The following TRIOBP variants were observed in gnomAD, a reference collection of about 807,000 sequenced individuals.
The protein encoded by TRIOBP is TRIO and F-actin-binding protein.
In TRIOBP, 169 loss-of-function variants were observed where a neutral mutation model predicts 238.8. The ratio of observed to expected loss-of-function variants is 0.71; its 90% CI spans 0.62 to 0.80. TRIOBP has a LOEUF of 0.80. Ranked by LOEUF, TRIOBP falls within the 30% of genes least tolerant of loss-of-function variation. The pLI is 0.00. For missense variants in TRIOBP, 2,838 were observed against 3,122.6 expected, an observed-to-expected ratio of 0.91 and a Z score of 2.17; for synonymous variants, 1,150 against 1,274.4, an observed-to-expected ratio of 0.90 and a Z score of 2.08.
At chr22:37,719,746 G>A (rs1250462007) in intron 6 of TRIOBP, among the ~76,000 whole-genome samples, 1 of 151,988 alleles carries the variant, frequency 6.6e-6, no homozygotes, top group African/African-American at 2.4e-5. Flanking sequence ...CTCCTTTGCT[G>A]AGGCCGCCTC....
In TRIOBP at chr22:37,772,770, T is replaced by C. The variant is rs1338609321; in HGVS notation, c.*2+6T>C. On this transcript the variant is annotated splice_donor_region_variant and intron_variant, in intron 23 of 23. Transcript: ENST00000644935. ...AACAGCCTGGCTGAGTAGAGGTGGA[T>C]GCCGAGGCGTGTGCCCTGCAGGGTG... 2 of 1,612,114 alleles carry C rather than the reference T, an allele frequency of 1.2e-6. No homozygotes were observed. Among genetic ancestry groups the C allele is most frequent in the Admixed American group, 1.7e-5 (1 of 60,022 alleles).
In TRIOBP at chr22:37,774,123, T is replaced by TAAA. The variant is rs35269997; in HGVS notation, c.*358_*360dup. ...TTTTTTTCCAAAACACTTTATACTT[T>TAAA]AAAAAAAAAAAAAAAAAGCAATTCC... is the stretch of plus-strand genomic sequence containing the variant. On this transcript the variant is annotated 3_prime_UTR_variant, in exon 24 of 24. Coordinates refer to ENST00000644935, the MANE Select transcript of TRIOBP (RefSeq NM_001039141.3). 5.6e-3 allele frequency: 777 copies of TAAA among 139,568 alleles called. 10 individuals carry two copies. The highest frequency in any genetic ancestry group is 0.02 in the African/African-American group (742 of 37,630). The allele number at this position is 139,568 out of a possible 1,614,324, so 8.6% of individuals were successfully genotyped here. A position where few individuals can be genotyped will look rare whatever the true frequency, so the allele number is the denominator to read the frequency against.
In TRIOBP at chr22:37,704,357, TG is replaced by T. The variant is rs1474194969; in HGVS notation, c.114+2881del. Among the ~76,000 whole-genome samples the T allele has an allele frequency of 2.7e-5, 4 of 150,576 alleles. No individual in the cohort carries two copies. The Admixed American group carries it at 2.7e-4, about 10-fold the overall frequency. ...GTGATCGCATTACTGTATTTCAGCCTGGGTGACAGAGTTGGACCCTGACTCA... is the reference window on the plus strand; with the variant it reads ...GTGATCGCATTACTGTATTTCAGCCTGGTGACAGAGTTGGACCCTGACTCA... On this transcript the variant is annotated intron_variant, in intron 3 of 23. Transcript: ENST00000644935.
At position 37,733,380 on chromosome 22, in the gene TRIOBP, C is replaced by T. The variant is rs1310590474; in HGVS notation, c.4030C>T (p.Arg1344Ter). 5.2e-6 allele frequency: 8 copies of T among 1,551,226 alleles called. No homozygotes were observed. Among genetic ancestry groups the T allele is most frequent in the Admixed American group, 2.0e-5 (1 of 51,096 alleles). ...QPSQGQSQLL[R>*]RQSSPAPSRQ... ...CAGCCAAGGCCAGAGCCAACTTCTC[C>T]GAAGACAGTCCAGCCCTGCCCCCAG... Residue 1344 changes from arginine to a stop codon, truncating the protein, a stop_gained, in exon 8 of 24, where the codon CGA (arginine) becomes TGA (stop). Transcript: ENST00000644935. LOFTEE classifies it high-confidence loss of function.
intron 12 of TRIOBP, among the ~76,000 whole-genome samples, chr22:37,753,251 G>A (rs1925717803): frequency 6.6e-6 from 1 of 151,990 alleles, no homozygotes; most frequent in Admixed American, 6.6e-5. Context: ...GAAGGTCTAG[G>A]CACTTCTTTT....
At chr22:37,701,935 C>T (rs893299435) in intron 3 of TRIOBP, among the ~76,000 whole-genome samples, 12 of 152,060 alleles carry the variant, frequency 7.9e-5, no homozygotes, top group Admixed American at 3.9e-4. Context: ...TGAAACCAGC[C>T]TGGCCAACAT....
intron 18 of TRIOBP, among the ~76,000 whole-genome samples, chr22:37,766,958 C>CAA (rs1216149396): frequency 9.8e-6 from 1 of 101,662 alleles, no homozygotes. Context: ...AAGACTCCAT[C>CAA]AAAAAAAAAA....
At chr22:37,731,609 A>T (rs904697039) in intron 7 of TRIOBP, among the ~76,000 whole-genome samples, 2 of 152,040 alleles carry the variant, frequency 1.3e-5, no homozygotes, top group Non-Finnish European at 2.9e-5. Context: ...GGCACGTGCC[A>T]CCACGCCTGG....
chr22:37,762,364 C>T (rs1035275741), intron 17 of TRIOBP, among the ~76,000 whole-genome samples: 2 of 152,200 alleles, frequency 1.3e-5, no homozygotes, highest in Non-Finnish European at 2.9e-5. Flanking sequence ...TGCACTGGCC[C>T]ACCTTTGTCC....
intron 7 of TRIOBP, 127 bp from the exon 8 acceptor site, chr22:37,733,171 G>A (rs532181422): frequency 2.7e-6 from 2 of 737,844 alleles, no homozygotes; most frequent in African/African-American, 1.7e-5. Context: ...CTCACTTAGG[G>A]CCCTTCAACG....
In TRIOBP at chr22:37,734,749, A is replaced by G. The variant is rs1924583175; in HGVS notation, c.4413A>G (p.Lys1471=). 6 of 1,611,294 alleles carry G rather than the reference A, an allele frequency of 3.7e-6. No individual in the cohort carries two copies. In the East Asian group the frequency reaches 1.3e-4, roughly 36 times the overall value. Residue 1471 remains lysine (K), a synonymous_variant, in exon 9 of 24, where the codon AAA becomes AAG. Coordinates refer to ENST00000644935, the MANE Select transcript of TRIOBP (RefSeq NM_001039141.3). ...GAGAGCCCAGCCTGGGGGCAGCCAAAGCCCCGGAGGGAGCATGGGGGGGCA... is the reference window on the plus strand; with the variant it reads ...GAGAGCCCAGCCTGGGGGCAGCCAAGGCCCCGGAGGGAGCATGGGGGGGCA... ...GCGEPSLGAA[K]APEGAWGGTS...
chr22:37,711,666 A>G (rs541628892), intron 4 of TRIOBP, among the ~76,000 whole-genome samples: 2 of 151,856 alleles, frequency 1.3e-5, no homozygotes, highest in Admixed American at 1.3e-4. Context: ...GTTATCAAGT[A>G]TGTTTCAGAA....
Position 37,740,932 on chromosome 22 carries a change from C to T in TRIOBP, c.5222C>T (p.Pro1741Leu), listed in dbSNP as rs201657102. ...CCAGCAGAGGGCAAGGCTGGGAGCCCGCTCAAGGGCCGACTGGTGACCTCA... is the reference window on the plus strand; with the variant it reads ...CCAGCAGAGGGCAAGGCTGGGAGCCTGCTCAAGGGCCGACTGGTGACCTCA... ...KRPAEGKAGS[P>L]LKGRLVTSWR... Residue 1741 changes from proline to leucine, a missense_variant, in exon 11 of 24, where the codon CCG (proline) becomes CTG (leucine). By Grantham distance (98) the Pro-to-Leu change is moderately conservative. Around this residue, in one of 5 missense-constraint regions of TRIOBP, gnomAD observed 2,096 missense variants for 2,137.4 expected, o/e 0.98. Coordinates refer to ENST00000644935, the MANE Select transcript of TRIOBP (RefSeq NM_001039141.3). 128 of 1,571,392 alleles carry T rather than the reference C, an allele frequency of 8.1e-5. No individual in the cohort carries two copies. The highest frequency in any genetic ancestry group is 1.0e-4 in the Non-Finnish European group (120 of 1,158,244).
rs537278055 is a variant in TRIOBP at position 37,735,051 on chromosome 22, G to A, written c.4715G>A (p.Gly1572Glu). The A allele has an allele frequency of 3.1e-6, 5 of 1,608,128 alleles. No individual in the cohort carries two copies. The Admixed American group carries it at 8.4e-5, about 27-fold the overall frequency. ...GGCCTTCTCCGGGCACCAGGAGAGG[G>A]GGTCTGGGCCCGTGTCCCCAGCCTG... Reference protein sequence around the residue: ...LLGLLRAPGEGVWARVPSLDW... With the variant: ...LLGLLRAPGEEVWARVPSLDW... Residue 1572 changes from glycine (G) to glutamate (E), a missense_variant, in exon 9 of 24, where the codon GGG becomes GAG. Physicochemically the swap from Gly to Glu is moderately conservative, Grantham distance 98. Transcript: ENST00000644935.
intron 22 of TRIOBP, 59 bp from the exon 23 acceptor site, chr22:37,772,542 C>T (rs901384600): frequency 3.3e-5 from 53 of 1,611,914 alleles, no homozygotes; most frequent in South Asian, 2.5e-4. Flanking sequence ...CCCATGTGCC[C>T]GGTTGGCAGG....
At position 37,757,982 on chromosome 22, in the gene TRIOBP, A is replaced by G; in HGVS notation, c.6057A>G (p.Gln2019=). 6.3e-7 allele frequency: 1 copy of G among 1,588,220 alleles called. No individual in the cohort carries two copies. The highest frequency in any genetic ancestry group is 8.6e-7 in the Non-Finnish European group (1 of 1,168,072). Residue 2019 remains glutamine (Q), a synonymous_variant, in exon 16 of 24, where the codon CAA becomes CAG. Transcript: ENST00000644935. ...GLGAPLTEDQ[Q]NRLSEEIEKK... is the part of the protein sequence containing the mutation. ...GTGCCCCCCTGACTGAGGACCAGCA[A>G]AACCGGCTTAGTGAGGAGATCGAGA...
intron 5 of TRIOBP, among the ~76,000 whole-genome samples, chr22:37,715,499 C>T (rs1213102738): frequency 5.3e-5 from 8 of 151,948 alleles, no homozygotes; most frequent in African/African-American, 7.2e-5. Context: ...CCCGCCACCA[C>T]GCCCAGCTAA....
chr22:37,711,143 C>T (rs558573418), intron 4 of TRIOBP, among the ~76,000 whole-genome samples: 1 of 152,342 alleles, frequency 6.6e-6, no homozygotes, highest in South Asian at 2.1e-4. Context: ...AGATCCATCC[C>T]TGATGGGTCT....
chr22:37,705,037 C>T (rs1286051923), intron 3 of TRIOBP, among the ~76,000 whole-genome samples: 2 of 151,864 alleles, frequency 1.3e-5, no homozygotes, highest in Admixed American at 1.3e-4. Context: ...CATGCCAATG[C>T]ACTCCAGCCT....
Sources: allele counts gnomAD v4.1 joint callset (sites outside exome capture counted in the v4.1 genomes callset), GRCh38; gene constraint gnomAD v4.1.1; regional missense constraint gnomAD v4.1.1; transcripts MANE v1.5; gene names NCBI Gene and HGNC (gene_info 2026-07-23, HGNC 2026-07-21).